UVRAG: variants seen among roughly 807,000 people sequenced by gnomAD.
UVRAG encodes the protein UV radiation resistance associated.
In UVRAG, 19 loss-of-function variants were observed where a neutral mutation model predicts 78.0. The observed-to-expected ratio is 0.24, with a 90% CI of 0.17 to 0.36. The LOEUF (loss-of-function observed/expected upper bound fraction) is 0.36. Among genes scored for constraint, UVRAG ranks in the 10% least tolerant of loss-of-function variants. UVRAG has a pLI of 1.00. For missense variants in UVRAG, 740 were observed against 853.8 expected, an observed-to-expected ratio of 0.87 and a Z score of 1.66; for synonymous variants, 323 against 324.6, an observed-to-expected ratio of 1.00 and a Z score of 0.05.
chr11:76,094,596 A>G lies in UVRAG; in HGVS notation c.1306-21328A>G, dbSNP rs113177993. ...TCCTGGTTTAGTCTTGGGAGAGTGT[A>G]TGTGTCCGGGAATTTATCCATTTCT... On this transcript the variant is annotated intron_variant, in intron 13 of 14. Transcript: ENST00000356136. 1.7e-3 allele frequency among the ~76,000 whole-genome samples: 263 copies of G among 152,154 alleles called. 1 individual carries two copies. The highest frequency in any genetic ancestry group is 6.1e-3 in the African/African-American group (252 of 41,492).
chr11:75,931,369 G>A (rs984507275), intron 6 of UVRAG, among the ~76,000 whole-genome samples: 4 of 152,042 alleles, frequency 2.6e-5, no homozygotes, highest in Non-Finnish European at 5.9e-5. Flanking sequence ...TTAAATGCTT[G>A]GATAGTGTCT....
chr11:75,891,467 T>C (rs1947211800), intron 5 of UVRAG, among the ~76,000 whole-genome samples: 1 of 152,216 alleles, frequency 6.6e-6, no homozygotes, highest in South Asian at 2.1e-4. Flanking sequence ...ATAGCTAAAA[T>C]GTATTGAGCA....
chr11:76,129,608 C>T (rs2134496521), intron 14 of UVRAG, among the ~76,000 whole-genome samples: 1 of 152,368 alleles, frequency 6.6e-6, no homozygotes, highest in South Asian at 2.1e-4. Flanking sequence ...CCACTTTTCA[C>T]TCTTTTACAC....
intron 13 of UVRAG, among the ~76,000 whole-genome samples, chr11:76,112,192 A>G (rs1052998984): frequency 6.6e-6 from 1 of 152,196 alleles, no homozygotes; most frequent in Non-Finnish European, 1.5e-5. Flanking sequence ...AAAAGCTTCC[A>G]GAGAGAAGAA....
chr11:76,136,330 G>T (rs1300307334), intron 14 of UVRAG, among the ~76,000 whole-genome samples: 2 of 151,772 alleles, frequency 1.3e-5, no homozygotes, highest in African/African-American at 2.4e-5. Context: ...TAATAGCAAA[G>T]GTTCAGAAAC....
intron 12 of UVRAG, among the ~76,000 whole-genome samples, chr11:76,027,472 A>G (rs946707376): frequency 6.6e-6 from 1 of 152,084 alleles, no homozygotes; most frequent in African/African-American, 2.4e-5. Flanking sequence ...TTTAAACTTG[A>G]CAAAATTTTT....
intron 14 of UVRAG, among the ~76,000 whole-genome samples, chr11:76,119,975 G>A (rs1952246589): frequency 6.6e-6 from 1 of 152,144 alleles, no homozygotes. Flanking sequence ...CGCTGTACTG[G>A]CCTCTGTGTA....
intron 4 of UVRAG, among the ~76,000 whole-genome samples, chr11:75,887,763 T>C (rs558141035): frequency 6.6e-6 from 1 of 152,220 alleles, no homozygotes; most frequent in South Asian, 2.1e-4. Context: ...TTTGTATTTT[T>C]AGTAGAGACG....
chr11:75,875,279 T>C (rs1424980676), intron 3 of UVRAG, among the ~76,000 whole-genome samples: 10 of 152,222 alleles, frequency 6.6e-5, no homozygotes, highest in Admixed American at 6.5e-4. Flanking sequence ...TTTAGGATTT[T>C]CTTTAGTGAG....
chr11:75,962,257 A>G (rs1005631639), intron 7 of UVRAG, among the ~76,000 whole-genome samples: 2 of 152,134 alleles, frequency 1.3e-5, no homozygotes, highest in African/African-American at 4.8e-5. Flanking sequence ...AATTATTTAA[A>G]TATTTGTTCG....
intron 12 of UVRAG, among the ~76,000 whole-genome samples, chr11:76,044,776 A>T (rs1326308924): frequency 6.6e-6 from 1 of 152,024 alleles, no homozygotes; most frequent in African/African-American, 2.4e-5. Context: ...TCCATCTCCT[A>T]AAAAAAAGAA....
rs181661354 is a variant in UVRAG, at chr11:76,076,818, T to G, written c.1305+11030T>G. On this transcript the variant is annotated intron_variant, in intron 13 of 14. Coordinates refer to ENST00000356136, the MANE Select transcript of UVRAG (RefSeq NM_003369.4). ...AATTAGGTTGTATTTATTTATTTAT[T>G]TATTTATTTATTTATTAGAGGCAGA... Among the ~76,000 whole-genome samples the G allele has an allele frequency of 2.5e-3, 377 of 150,938 alleles. 3 individuals carry two copies. Among genetic ancestry groups the G allele is most frequent in the Non-Finnish European group, 4.5e-3 (308 of 67,860 alleles).
intron 6 of UVRAG, among the ~76,000 whole-genome samples, chr11:75,921,630 A>G (rs1218494125): frequency 6.6e-6 from 1 of 151,968 alleles, no homozygotes; most frequent in Non-Finnish European, 1.5e-5. Context: ...ATTTTTTGCT[A>G]ACTTTGAGAT....
intron 2 of UVRAG, among the ~76,000 whole-genome samples, chr11:75,857,754 C>T (rs1290221684): frequency 6.6e-6 from 1 of 151,020 alleles, no homozygotes; most frequent in Non-Finnish European, 1.5e-5. Context: ...TCCCTAAGTG[C>T]TGGGATTACA....
intron 6 of UVRAG, among the ~76,000 whole-genome samples, chr11:75,913,986 G>A (rs1947794014): frequency 1.3e-5 from 2 of 152,192 alleles, no homozygotes. Flanking sequence ...GTCTCCTCAT[G>A]CCTATTGTAC....
chr11:75,907,472 C>T (rs999675513), intron 5 of UVRAG, among the ~76,000 whole-genome samples: 2 of 151,530 alleles, frequency 1.3e-5, no homozygotes, highest in Admixed American at 1.3e-4. Flanking sequence ...ACTGAGATGA[C>T]TGTGTGTGTT....
chr11:76,013,164 C>T (rs1176292684), intron 11 of UVRAG: 1 of 152,084 alleles, frequency 6.6e-6, no homozygotes, highest in African/African-American at 2.4e-5. Context: ...GTTTGTCCAA[C>T]ATATAAATCA....
At chr11:76,009,557 AT>A (rs1231776573) in intron 11 of UVRAG, among the ~76,000 whole-genome samples, 39 of 152,184 alleles carry the variant, frequency 2.6e-4, no homozygotes, top group African/African-American at 9.2e-4. Flanking sequence ...ATCTTTATAG[AT>A]TATTCCCAAG....
intron 7 of UVRAG, among the ~76,000 whole-genome samples, chr11:75,975,400 A>C (rs1949217122): frequency 1.3e-5 from 2 of 152,170 alleles, no homozygotes; most frequent in South Asian, 4.1e-4. Context: ...CAATTCTGTG[A>C]AGAAAGTCAT....
Sources: allele counts gnomAD v4.1 joint callset (sites outside exome capture counted in the v4.1 genomes callset), GRCh38; gene constraint gnomAD v4.1.1; transcripts MANE v1.5; gene names NCBI Gene and HGNC (gene_info 2026-07-23, HGNC 2026-07-21).